Variants in HPSE2 observed in about 807,000 individuals in gnomAD.
The protein encoded by HPSE2 is inactive heparanase-2.
Under a neutral mutation model 60.5 loss-of-function variants are expected in HPSE2, and 38 were observed. The observed-to-expected ratio is 0.63, with a 90% confidence interval of 0.48 to 0.82. The LOEUF is 0.82. HPSE2 is among the 40% of genes least tolerant of loss of function. HPSE2 has a pLI of 0.00. For synonymous variants in HPSE2, 295 were observed against 293.2 expected (o/e 1.01, Z -0.06); for missense variants, 713 against 740.4 (o/e 0.96, Z 0.43).
At chr10:99,027,270 T>TAA (rs560490330) in intron 3 of HPSE2, among the ~76,000 whole-genome samples, 1 of 128,402 alleles carries the variant, frequency 7.8e-6, no homozygotes, top group East Asian at 2.2e-4. Flanking sequence ...AAATCAGAAA[T>TAA]AAAAAAAAAA....
the HPSE2 span, among the ~76,000 whole-genome samples, chr10:99,264,694 T>C: frequency 6.6e-6 from 1 of 152,164 alleles, no homozygotes; most frequent in Non-Finnish European, 1.5e-5. Context: ...ATTTTTCTCC[T>C]TCTTTTATTT....
intron 3 of HPSE2, among the ~76,000 whole-genome samples, chr10:99,005,279 A>G (rs1371119715): frequency 1.3e-5 from 2 of 151,896 alleles, no homozygotes; most frequent in Admixed American, 6.6e-5. Flanking sequence ...TTGAAATCCT[A>G]TAACTCAGAC....
At chr10:99,289,391 A>G in the HPSE2 span, among the ~76,000 whole-genome samples, 2 of 152,092 alleles carry the variant, frequency 1.3e-5, no homozygotes, top group Non-Finnish European at 2.9e-5. Flanking sequence ...GTTTGGTTGT[A>G]GTAAATGTCC....
intron 3 of HPSE2, among the ~76,000 whole-genome samples, chr10:98,794,985 G>A (rs982174256): frequency 7.3e-6 from 1 of 137,054 alleles, no homozygotes; most frequent in African/African-American, 2.8e-5. Flanking sequence ...GGGAGGGGAG[G>A]GAAAGGGAGG....
At chr10:98,505,074 C>T (rs1942156591) in intron 9 of HPSE2, among the ~76,000 whole-genome samples, 1 of 152,120 alleles carries the variant, frequency 6.6e-6, no homozygotes, top group South Asian at 2.1e-4. Context: ...GTGTGAACAT[C>T]CTACAATTTA....
chr10:98,814,574 G>C (rs1227127627), intron 3 of HPSE2, among the ~76,000 whole-genome samples: 2 of 152,138 alleles, frequency 1.3e-5, no homozygotes, highest in Non-Finnish European at 2.9e-5. Flanking sequence ...CCCAACGAAA[G>C]GAAAAGGCAA....
chr10:98,831,838 A>G (rs1412076407), intron 3 of HPSE2, among the ~76,000 whole-genome samples: 2 of 152,176 alleles, frequency 1.3e-5, no homozygotes, highest in Non-Finnish European at 2.9e-5. Context: ...CAGAGCTACT[A>G]AGATCATCAT....
At chr10:99,210,396 G>A (rs954119064) in intron 2 of HPSE2, among the ~76,000 whole-genome samples, 1 of 152,188 alleles carries the variant, frequency 6.6e-6, no homozygotes, top group African/African-American at 2.4e-5. Flanking sequence ...TTGAAGAAGA[G>A]GGAATACTTC....
chr10:98,695,680 G>T (rs1243607061), intron 5 of HPSE2, among the ~76,000 whole-genome samples: 1 of 152,078 alleles, frequency 6.6e-6, no homozygotes, highest in African/African-American at 2.4e-5. Context: ...GCAGTCATTG[G>T]GAAGCATGGC....
chr10:99,109,101 A>G (rs951831942), intron 3 of HPSE2, among the ~76,000 whole-genome samples: 1 of 152,200 alleles, frequency 6.6e-6, no homozygotes, highest in Non-Finnish European at 1.5e-5. Flanking sequence ...GCCTCTCAAT[A>G]AAAATTGTGG....
intron 9 of HPSE2, among the ~76,000 whole-genome samples, chr10:98,514,727 T>G (rs1942537658): frequency 6.8e-6 from 1 of 146,854 alleles, no homozygotes; most frequent in African/African-American, 2.5e-5. Context: ...TTTTTTTTTT[T>G]TTTTTTTTTT....
At chr10:99,229,560 A>G (rs1277188335) in intron 2 of HPSE2, among the ~76,000 whole-genome samples, 3 of 152,216 alleles carry the variant, frequency 2.0e-5, no homozygotes, top group African/African-American at 7.2e-5. Flanking sequence ...GAACCTTCAG[A>G]GAAGCAAGGT....
chr10:98,492,970 A>G (rs1941708295), intron 9 of HPSE2, among the ~76,000 whole-genome samples: 1 of 152,234 alleles, frequency 6.6e-6, no homozygotes, highest in African/African-American at 2.4e-5. Flanking sequence ...CCCATTAAAC[A>G]TTAACTCTTC....
At chr10:98,625,005 C>A (rs1338257059) in intron 7 of HPSE2, among the ~76,000 whole-genome samples, 1 of 152,204 alleles carries the variant, frequency 6.6e-6, no homozygotes, top group East Asian at 1.9e-4. Context: ...AACCTTGAAC[C>A]ATTAGCTCTT....
chr10:98,549,923 A>G (rs1188773187), intron 9 of HPSE2, among the ~76,000 whole-genome samples: 2 of 152,282 alleles, frequency 1.3e-5, no homozygotes, highest in Non-Finnish European at 2.9e-5. Flanking sequence ...GTTCAGCTCT[A>G]TATGTGACTC....
In HPSE2 at chr10:98,938,544, G is replaced by C. The variant is rs576639347; in HGVS notation, c.611-194488C>G. Reference sequence around the variant, plus strand: ...CAAGAAGGGAAGTTTAGAGAAAAAAGAATAAAAACAAACAAAGCCTCCAAG... The same window carrying C: ...CAAGAAGGGAAGTTTAGAGAAAAAACAATAAAAACAAACAAAGCCTCCAAG... On this transcript the variant is annotated intron_variant, in intron 3 of 11. Coordinates refer to ENST00000370552, the MANE Select transcript of HPSE2 (RefSeq NM_021828.5). Among the ~76,000 whole-genome samples the C allele has an allele frequency of 2.8e-5, 4 of 143,490 alleles. No homozygotes were observed. In the South Asian group the frequency reaches 8.4e-4, roughly 30 times the overall value. The allele number at this position is 143,490 out of a possible 152,430, so 94.1% of individuals were successfully genotyped here. A position where few individuals can be genotyped will look rare whatever the true frequency, so the allele number is the denominator to read the frequency against.
At chr10:98,589,413 G>T (rs2133939138) in intron 9 of HPSE2, among the ~76,000 whole-genome samples, 1 of 152,270 alleles carries the variant, frequency 6.6e-6, no homozygotes, top group East Asian at 1.9e-4. Flanking sequence ...AGCTTGGGCT[G>T]GAATCTAACA....
At position 98,800,197 on chromosome 10, in the gene HPSE2, A is replaced by G. The variant is rs997726265; in HGVS notation, c.611-56141T>C. ...AGCCTGGGCAAAATGGCGAGACTTC[A>G]TCTCTACTAAAAATACAAAATACTA... is the stretch of plus-strand genomic sequence containing the variant. On this transcript the variant is annotated intron_variant, in intron 3 of 11. Transcript: ENST00000370552. Among the ~76,000 whole-genome samples, 4 of 151,754 alleles carry G rather than the reference A, an allele frequency of 2.6e-5. No individual in the cohort carries two copies. The East Asian group carries it at 7.8e-4, about 29-fold the overall frequency.
chr10:99,305,973 G>GCACACACA, the HPSE2 span, among the ~76,000 whole-genome samples: 148 of 44,030 alleles, frequency 3.4e-3, no homozygotes, highest in African/African-American at 4.8e-3. Flanking sequence ...GCGCGCGCGC[G>GCACACACA]CGCGCGCACA....
Sources: gnomAD v4.1 joint callset for allele counts (sites outside exome capture counted in the v4.1 genomes callset) on GRCh38, gnomAD v4.1.1 for gene constraint, MANE v1.5 for transcripts, NCBI Gene and HGNC (gene_info 2026-07-23, HGNC 2026-07-21) for gene names.